The following ESRRG variants were observed in gnomAD, a reference collection of about 807,000 sequenced individuals.
ESRRG encodes the protein estrogen related receptor gamma.
In ESRRG, 13 loss-of-function variants were observed where a neutral mutation model predicts 44.0. The ratio of observed to expected loss-of-function variants is 0.30; its 90% CI spans 0.19 to 0.47. The LOEUF (loss-of-function observed/expected upper bound fraction) is 0.47. Ranked by LOEUF, ESRRG falls within the 20% of genes least tolerant of loss-of-function variation. The probability of loss-of-function intolerance (pLI) is 1.00; values close to 1 mark genes in which losing one functional copy is unlikely to be tolerated. For synonymous variants in ESRRG, 215 were observed against 214.6 expected (o/e 1.00, Z -0.02); for missense variants, 395 against 580.6 (o/e 0.68, Z 3.29).
At chr1:216,925,705 C>A (rs1024598782) in intron 2 of ESRRG, among the ~76,000 whole-genome samples, 6 of 151,528 alleles carry the variant, frequency 4.0e-5, no homozygotes, top group Admixed American at 3.9e-4. Context: ...AATTCCAGCA[C>A]TTTGGGAGGC....
At chr1:216,775,878 A>G (rs148256118) in intron 2 of ESRRG, among the ~76,000 whole-genome samples, 3 of 151,688 alleles carry the variant, frequency 2.0e-5, no homozygotes, top group East Asian at 3.9e-4. Flanking sequence ...TTTTTATACA[A>G]TATCACCCCC....
chr1:216,756,368 AGAGAAT>A (rs2092445038), intron 2 of ESRRG, among the ~76,000 whole-genome samples: 1 of 151,962 alleles, frequency 6.6e-6, no homozygotes, highest in African/African-American at 2.4e-5. Flanking sequence ...TCCTGGAATA[AGAGAAT>A]GATTTGGGGT....
intron 2 of ESRRG, among the ~76,000 whole-genome samples, chr1:216,801,570 C>T (rs572811681): frequency 1.6e-4 from 24 of 152,226 alleles, no homozygotes; most frequent in Middle Eastern, 3.4e-3. Flanking sequence ...GAGTGTACAG[C>T]GTTTCCTTTT....
intron 5 of ESRRG, among the ~76,000 whole-genome samples, chr1:216,534,320 T>C (rs1277987361): frequency 1.3e-5 from 2 of 152,094 alleles, no homozygotes; most frequent in Non-Finnish European, 1.5e-5. Flanking sequence ...TTGTATTTAG[T>C]GCATTATTTA....
rs1259821085 is a variant in ESRRG, at chr1:217,055,692, C to A, written c.-106+33815G>T. On this transcript the variant is annotated intron_variant, in intron 1 of 7. Transcript: ENST00000359162. The stretch of plus-strand genomic sequence containing the variant: ...CTCAGATATGTCTGCCACACAGGGT[C>A]ATTCTAAGGGTATGCCTAAGTTATT... Among the ~76,000 whole-genome samples the A allele has an allele frequency of 2.0e-5, 3 of 152,092 alleles. No individual in the cohort carries two copies. In the East Asian group the frequency reaches 5.8e-4, roughly 29 times the overall value.
chr1:217,088,026 G>C (rs1580529787), intron 1 of ESRRG, among the ~76,000 whole-genome samples: 1 of 150,290 alleles, frequency 6.7e-6, no homozygotes, highest in Non-Finnish European at 1.5e-5. Flanking sequence ...AACTCATTTT[G>C]ACAACATCAA....
At chr1:216,824,692 A>G (rs1216788778) in intron 2 of ESRRG, among the ~76,000 whole-genome samples, 1 of 152,176 alleles carries the variant, frequency 6.6e-6, no homozygotes, top group East Asian at 1.9e-4. Context: ...TATTTCTTAT[A>G]ATGATTAACT....
intron 5 of ESRRG, among the ~76,000 whole-genome samples, chr1:216,555,105 G>A (rs906423809): frequency 8.5e-5 from 13 of 152,202 alleles, no homozygotes; most frequent in African/African-American, 3.1e-4. Context: ...TGAACCTGGT[G>A]GTTACTTATT....
At chr1:216,614,501 A>G (rs2061143524) in intron 3 of ESRRG, among the ~76,000 whole-genome samples, 1 of 152,250 alleles carries the variant, frequency 6.6e-6, no homozygotes, top group African/African-American at 2.4e-5. Context: ...TGTTAAGTGC[A>G]TACCATTAAC....
At chr1:216,675,563 G>A (rs2075960868) in intron 2 of ESRRG, among the ~76,000 whole-genome samples, 1 of 152,214 alleles carries the variant, frequency 6.6e-6, no homozygotes. Flanking sequence ...GGGGCCATTA[G>A]ATGATGATGG....
At chr1:216,666,747 T>G (rs946466) in intron 2 of ESRRG, among the ~76,000 whole-genome samples, 107,941 of 152,056 alleles carry the variant, frequency 0.71, 40,363 homozygotes, top group Non-Finnish European at 0.82. Context: ...ACTCACAAAT[T>G]TAAAATTCCA....
chr1:216,631,819 G>C (rs920164774), intron 3 of ESRRG, among the ~76,000 whole-genome samples: 4 of 152,076 alleles, frequency 2.6e-5, no homozygotes, highest in African/African-American at 9.7e-5. Flanking sequence ...CTCAGAATTT[G>C]ATGAAATTCA....
chr1:217,133,679 C>CTTTCTTTCTTTCTTTA, intron 1 of ESRRG, among the ~76,000 whole-genome samples: 1 of 131,144 alleles, frequency 7.6e-6, no homozygotes, highest in Admixed American at 7.5e-5. Flanking sequence ...TTCTTTCTTT[C>CTTTCTTTCTTTCTTTA]TTTCTAACTG....
rs146730903 is a variant in ESRRG, at chr1:217,078,880, C to T, written c.-106+10627G>A. Among the ~76,000 whole-genome samples the T allele has an allele frequency of 8.7e-3, 1,329 of 152,206 alleles. 21 individuals carry two copies. The highest frequency in any genetic ancestry group is 0.031 in the African/African-American group (1,282 of 41,532). ...CCCAATGCAGAGGCTGGAGTTTTAACATTACTGTGTTGTCAGGGGCCATTT... is the reference window on the plus strand; with the variant it reads ...CCCAATGCAGAGGCTGGAGTTTTAATATTACTGTGTTGTCAGGGGCCATTT... On this transcript the variant is annotated intron_variant, in intron 1 of 7. Coordinates refer to the ESRRG transcript ENST00000359162.
At chr1:216,922,220 T>G (rs1370284744) in intron 2 of ESRRG, among the ~76,000 whole-genome samples, 7 of 152,196 alleles carry the variant, frequency 4.6e-5, no homozygotes, top group Non-Finnish European at 8.8e-5. Flanking sequence ...CCATCACAGA[T>G]GAAGCGTACA....
chr1:216,613,244 T>C (rs1422493839), intron 3 of ESRRG, among the ~76,000 whole-genome samples: 2 of 152,198 alleles, frequency 1.3e-5, no homozygotes, highest in African/African-American at 4.8e-5. Flanking sequence ...GCCCCCAATT[T>C]TCTGTTTATA....
intron 1 of ESRRG, among the ~76,000 whole-genome samples, chr1:216,949,612 A>C (rs961836114): frequency 3.9e-5 from 6 of 152,116 alleles, no homozygotes; most frequent in Non-Finnish European, 5.9e-5. Flanking sequence ...CCACCTAATC[A>C]CTTTCAAAAA....
intron 2 of ESRRG, among the ~76,000 whole-genome samples, chr1:216,897,553 C>T (rs899175577): frequency 6.6e-6 from 1 of 152,094 alleles, no homozygotes; most frequent in Non-Finnish European, 1.5e-5. Context: ...GCTTTCCCTG[C>T]AAAGTACACA....
intron 2 of ESRRG, among the ~76,000 whole-genome samples, chr1:216,808,636 C>T (rs1273591608): frequency 6.6e-6 from 1 of 152,048 alleles, no homozygotes; most frequent in African/African-American, 2.4e-5. Context: ...GTTGCCCAGG[C>T]TAGTCTTGAA....
Sources: gnomAD v4.1 joint callset for allele counts (sites outside exome capture counted in the v4.1 genomes callset) on GRCh38, gnomAD v4.1.1 for gene constraint, MANE v1.5 for transcripts, NCBI Gene and HGNC (gene_info 2026-07-23, HGNC 2026-07-21) for gene names.